Variants in BANK1 observed in about 807,000 individuals in gnomAD.
The protein encoded by BANK1 is B-cell scaffold protein with ankyrin repeats.
BANK1 carries 95 observed loss-of-function variants against 94.5 expected under a neutral mutation model. That is an observed-to-expected ratio of 1.00 (90% CI 0.85 to 1.19). The LOEUF is 1.19. Ranked by LOEUF, BANK1 falls within the 50% of genes most tolerant of loss-of-function variation. The pLI is 0.00. For missense variants in BANK1, 987 were observed against 932.2 expected, an observed-to-expected ratio of 1.06 and a Z score of -0.77; for synonymous variants, 334 against 308.4, an observed-to-expected ratio of 1.08 and a Z score of -0.87.
At chr4:101,866,324 T>G (rs1312723436) in intron 4 of BANK1, among the ~76,000 whole-genome samples, 3 of 152,144 alleles carry the variant, frequency 2.0e-5, no homozygotes, top group African/African-American at 7.2e-5. Context: ...AGAAAAAAGT[T>G]TTTTTGTCTG....
intron 6 of BANK1, 134 bp downstream of exon 6, chr4:101,895,544 G>C: frequency 1.8e-6 from 1 of 558,116 alleles, no homozygotes. Context: ...CCTGACTCCT[G>C]GTGAAAGGGT....
chr4:102,042,248 G>C (rs1031144977), intron 10 of BANK1, among the ~76,000 whole-genome samples: 2 of 151,798 alleles, frequency 1.3e-5, no homozygotes, highest in Admixed American at 1.3e-4. Flanking sequence ...ATATCCTAAC[G>C]TATAGTCATA....
chr4:101,970,327 GGAAA>G (rs1259423064), intron 7 of BANK1, among the ~76,000 whole-genome samples: 9 of 152,200 alleles, frequency 5.9e-5, no homozygotes, highest in African/African-American at 2.2e-4. Flanking sequence ...GGAAAGTTGA[GGAAA>G]GAAAGTTTGG....
intron 6 of BANK1, among the ~76,000 whole-genome samples, chr4:101,899,333 T>A (rs1397393723): frequency 6.6e-6 from 1 of 152,178 alleles, no homozygotes; most frequent in African/African-American, 2.4e-5. Flanking sequence ...AGTGATTAAA[T>A]TGGAGATTTG....
At chr4:101,803,811 A>C (rs960882127) in intron 1 of BANK1, among the ~76,000 whole-genome samples, 1 of 150,634 alleles carries the variant, frequency 6.6e-6, no homozygotes, top group Non-Finnish European at 1.5e-5. Context: ...TCCCGGCTAA[A>C]ACGGTGAAAC....
At chr4:101,936,948 C>T (rs995987859) in intron 7 of BANK1, among the ~76,000 whole-genome samples, 4 of 151,470 alleles carry the variant, frequency 2.6e-5, no homozygotes, top group Admixed American at 6.6e-5. Flanking sequence ...CCAGCAATCC[C>T]GCTGGATCCC....
At chr4:101,876,126 C>T (rs1237469291) in intron 5 of BANK1, among the ~76,000 whole-genome samples, 1 of 152,154 alleles carries the variant, frequency 6.6e-6, no homozygotes, top group Non-Finnish European at 1.5e-5. Flanking sequence ...GGAAAGGATC[C>T]AGTCCTGGCA....
At chr4:101,999,367 T>C (rs904871595) in intron 7 of BANK1, among the ~76,000 whole-genome samples, 1 of 152,204 alleles carries the variant, frequency 6.6e-6, no homozygotes, top group Non-Finnish European at 1.5e-5. Context: ...ACTTCCAAAT[T>C]TCTCTCTGCT....
intron 5 of BANK1, among the ~76,000 whole-genome samples, chr4:101,880,145 A>G (rs568566562): frequency 1.3e-5 from 2 of 152,264 alleles, no homozygotes; most frequent in South Asian, 2.1e-4. Context: ...GAAGAAGTCA[A>G]ATTATCCTTG....
intron 7 of BANK1, among the ~76,000 whole-genome samples, chr4:101,943,502 CA>C (rs1319916639): frequency 2.6e-5 from 4 of 151,672 alleles, no homozygotes; most frequent in Non-Finnish European, 5.9e-5. Flanking sequence ...ATGGAAGGGA[CA>C]GAAGGCTTCT....
chr4:102,025,376 G>GT lies in BANK1; in HGVS notation c.1462dup (p.Tyr488LeufsTer8). 6.2e-7 allele frequency: 1 copy of GT among 1,614,100 alleles called. No individual in the cohort carries two copies. The highest frequency in any genetic ancestry group is 1.1e-5 in the South Asian group (1 of 91,076). Reference sequence around the variant, plus strand: ...GTTCTGAAGACCAGTATGATGACTTGTATGTGTTCATTCCTGGTGCTGATC... The same window carrying GT: ...GTTCTGAAGACCAGTATGATGACTTGTTATGTGTTCATTCCTGGTGCTGATC... On this transcript the variant is annotated frameshift_variant, in exon 9 of 17. Transcript: ENST00000322953. LOFTEE classifies it high-confidence loss of function.
chr4:101,945,492 A>G (rs1214316135), intron 7 of BANK1, among the ~76,000 whole-genome samples: 6 of 151,972 alleles, frequency 3.9e-5, no homozygotes, highest in Non-Finnish European at 8.8e-5. Context: ...ATCTTTTCTT[A>G]AATAATATAG....
chr4:101,892,039 G>T (rs1721896125), intron 5 of BANK1, among the ~76,000 whole-genome samples: 1 of 151,706 alleles, frequency 6.6e-6, no homozygotes, highest in Non-Finnish European at 1.5e-5. Context: ...CAATCAATTT[G>T]CGATCGTCCA....
chr4:102,039,122 C>T (rs951814577), intron 10 of BANK1, among the ~76,000 whole-genome samples: 1 of 152,084 alleles, frequency 6.6e-6, no homozygotes, highest in Non-Finnish European at 1.5e-5. Context: ...GCCACAACTC[C>T]ACCTACATAC....
intron 13 of BANK1, among the ~76,000 whole-genome samples, chr4:102,068,627 G>C (rs1728664306): frequency 6.6e-6 from 1 of 152,106 alleles, no homozygotes; most frequent in African/African-American, 2.4e-5. Flanking sequence ...AAGAGTTCAA[G>C]ACCAGCCTGG....
At chr4:101,885,393 A>C (rs1389399710) in intron 5 of BANK1, among the ~76,000 whole-genome samples, 1 of 152,110 alleles carries the variant, frequency 6.6e-6, no homozygotes, top group Non-Finnish European at 1.5e-5. Flanking sequence ...TGTGCATTCC[A>C]GGCACAGTTG....
intron 3 of BANK1, among the ~76,000 whole-genome samples, chr4:101,860,574 G>T (rs144645948): frequency 0.012 from 1,895 of 152,202 alleles, 38 homozygotes; most frequent in African/African-American, 0.042. Flanking sequence ...GGGATTACAG[G>T]TGTGCACCAC....
At chr4:102,055,824 T>G (rs1185232911) in intron 11 of BANK1, among the ~76,000 whole-genome samples, 3 of 152,116 alleles carry the variant, frequency 2.0e-5, no homozygotes, top group African/African-American at 7.2e-5. Flanking sequence ...AACTTATACA[T>G]GTAAGGGAAT....
intron 5 of BANK1, among the ~76,000 whole-genome samples, chr4:101,875,018 A>T (rs1235268499): frequency 2.6e-5 from 4 of 152,192 alleles, no homozygotes. Context: ...AGGCTCTACC[A>T]ATTGTCCCCC....
Sources: allele counts gnomAD v4.1 joint callset (sites outside exome capture counted in the v4.1 genomes callset), GRCh38; gene constraint gnomAD v4.1.1; transcripts MANE v1.5; gene names NCBI Gene and HGNC (gene_info 2026-07-23, HGNC 2026-07-21).